Variants in GSE1 observed in about 807,000 individuals in gnomAD.
GSE1 encodes genetic suppressor element 1.
A neutral mutation model predicts 112.6 loss-of-function variants in GSE1; 32 were observed. The ratio of observed to expected loss-of-function variants is 0.28; its 90% CI spans 0.21 to 0.38. The LOEUF (loss-of-function observed/expected upper bound fraction) is 0.38, where lower values mean the gene tolerates loss of function less well. GSE1 is among the 10% of genes least tolerant of loss of function. GSE1 has a pLI of 1.00. For synonymous variants in GSE1, 1,115 were observed against 735.6 expected, an observed-to-expected ratio of 1.52 and a Z score of -8.35; for missense variants, 2,348 against 1,699.2, an observed-to-expected ratio of 1.38 and a Z score of -6.71.
At chr16:85,477,140 G>A (rs55719324) in intron 2 of GSE1, among the ~76,000 whole-genome samples, 62,179 of 151,816 alleles carry the variant, frequency 0.41, 14,122 homozygotes, top group Non-Finnish European at 0.49. Flanking sequence ...GTTGGCCAGG[G>A]TGGTCGGGTG....
At chr16:85,445,994 G>A (rs576074171) in intron 2 of GSE1, among the ~76,000 whole-genome samples, 1 of 152,226 alleles carries the variant, frequency 6.6e-6, no homozygotes, top group Non-Finnish European at 1.5e-5. Context: ...GAGGTTCCAC[G>A]GGTAACGGCT....
chr16:85,633,314 G>C (rs377490805), intron 1 of GSE1, among the ~76,000 whole-genome samples: 260 of 152,286 alleles, frequency 1.7e-3, no homozygotes, highest in Non-Finnish European at 2.7e-3. Flanking sequence ...CGGGGAGGCC[G>C]GGGGTCTGCC....
intron 1 of GSE1, among the ~76,000 whole-genome samples, chr16:85,186,268 G>A (rs1171646237): frequency 6.6e-6 from 1 of 152,036 alleles, no homozygotes; most frequent in Non-Finnish European, 1.5e-5. Flanking sequence ...CCAGGAGCTC[G>A]AGACCAGCCT....
Position 85,666,276 on chromosome 16 carries a change from CAGA to C in GSE1, c.3063_3065del (p.Glu1022del), listed in dbSNP as rs749471449. The C allele has an allele frequency of 1.2e-6, 2 of 1,613,714 alleles. No individual in the cohort carries two copies. Among genetic ancestry groups the C allele is most frequent in the African/African-American group, 2.7e-5 (2 of 74,932 alleles). On this transcript the variant is annotated inframe_deletion, in exon 13 of 16. Transcript: ENST00000253458. ...AGCAAGCCGTGGGAGCCCTTTGTGG[CAGA>C]AGAGTTTGCACATCAGTTCCACGAG... is the stretch of plus-strand genomic sequence containing the variant.
At chr16:85,354,145 A>G (rs1389362996) in intron 1 of GSE1, among the ~76,000 whole-genome samples, 1 of 151,958 alleles carries the variant, frequency 6.6e-6, no homozygotes, top group Non-Finnish European at 1.5e-5. Context: ...CCCCTTCTCA[A>G]ACTCCTATAG....
chr16:85,383,143 C>T (rs2047596757), intron 2 of GSE1, among the ~76,000 whole-genome samples: 1 of 152,078 alleles, frequency 6.6e-6, no homozygotes, highest in African/African-American at 2.4e-5. Context: ...CACCATAACA[C>T]ACCCATATAT....
At chr16:85,383,712 C>G (rs1254804068) in intron 2 of GSE1, among the ~76,000 whole-genome samples, 3 of 152,126 alleles carry the variant, frequency 2.0e-5, no homozygotes, top group African/African-American at 7.2e-5. Context: ...GAGCAGAGGC[C>G]AAGAGGAGAG....
In GSE1 at chr16:85,616,180, AC is replaced by A. The variant is rs544178264; in HGVS notation, c.7+2786del. 1.0e-3 allele frequency among the ~76,000 whole-genome samples: 156 copies of A among 152,078 alleles called. 1 individual carries two copies. The highest frequency in any genetic ancestry group is 3.5e-3 in the African/African-American group (144 of 41,486). The stretch of plus-strand genomic sequence containing the variant: ...CTGAGCTAGAGATTCCCCCCTTCCA[AC>A]CCCTGGAGTCCCAAATTCCCCTTGA... On this transcript the variant is annotated intron_variant, in intron 1 of 15. Transcript: ENST00000253458.
At chr16:85,249,681 C>T (rs1452797117) in intron 1 of GSE1, among the ~76,000 whole-genome samples, 3 of 152,182 alleles carry the variant, frequency 2.0e-5, no homozygotes, top group African/African-American at 7.2e-5. Flanking sequence ...TCCTGGGGCT[C>T]CCGTTGTCCA....
intron 1 of GSE1, among the ~76,000 whole-genome samples, chr16:85,319,053 A>G (rs990365673): frequency 4.6e-5 from 7 of 152,070 alleles, no homozygotes; most frequent in African/African-American, 1.7e-4. Flanking sequence ...GGAAGGGTGG[A>G]GTGGCGGTGA....
intron 1 of GSE1, among the ~76,000 whole-genome samples, chr16:85,175,530 C>G (rs1216326842): frequency 6.6e-6 from 1 of 152,242 alleles, no homozygotes; most frequent in Non-Finnish European, 1.5e-5. Flanking sequence ...GAGCGCCTGG[C>G]TCGCAGTGGG....
intron 2 of GSE1, among the ~76,000 whole-genome samples, chr16:85,640,366 C>A (rs1431756597): frequency 6.6e-6 from 1 of 152,230 alleles, no homozygotes; most frequent in Admixed American, 6.5e-5. Flanking sequence ...CCACCCATAG[C>A]CCGGCTTGGG....
At chr16:85,363,905 G>T (rs2047133850) in intron 2 of GSE1, among the ~76,000 whole-genome samples, 1 of 152,212 alleles carries the variant, frequency 6.6e-6, no homozygotes, top group Non-Finnish European at 1.5e-5. Context: ...GCCTGCTCTT[G>T]TGACTTCTGC....
intron 2 of GSE1, among the ~76,000 whole-genome samples, chr16:85,458,392 C>T (rs887548345): frequency 6.6e-6 from 1 of 152,212 alleles, no homozygotes; most frequent in African/African-American, 2.4e-5. Flanking sequence ...GGAGGGGAGC[C>T]CTCGACAGCT....
chr16:85,283,064 C>G (rs2044902284), intron 1 of GSE1: 2 of 152,668 alleles, frequency 1.3e-5, no homozygotes, highest in African/African-American at 4.8e-5. Flanking sequence ...CCACGGTAGG[C>G]GCATGGTTTC....
chr16:85,653,293 CCTCCTCCTCCTA>C (rs1218356088), intron 3 of GSE1, among the ~76,000 whole-genome samples: 1 of 2,980 alleles, frequency 3.4e-4, no homozygotes, highest in African/African-American at 1.3e-3. Context: ...CCTACCCCCT[CCTCCTCCTCCTA>C]CCCCCTCCTC....
At position 85,290,672 on chromosome 16, in the gene GSE1, A is replaced by C. The variant is rs112433660; in HGVS notation, c.2284-66791A>C. ...TACACCGCTGTTTGTAATAATCTGT[A>C]ATAATAACTAACTCTTCATAGAGCC... On this transcript the variant is annotated intron_variant, in intron 1 of 2. Transcript: ENST00000637419. 4.9e-3 allele frequency among the ~76,000 whole-genome samples: 741 copies of C among 152,250 alleles called. 5 individuals are homozygous for C. The highest frequency in any genetic ancestry group is 0.02 in the Middle Eastern group (6 of 294).
chr16:85,423,735 G>A (rs912016545), intron 2 of GSE1, among the ~76,000 whole-genome samples: 7 of 152,026 alleles, frequency 4.6e-5, no homozygotes, highest in East Asian at 1.9e-4. Flanking sequence ...TCTCTCTGTC[G>A]CCGCATCCAT....
chr16:85,207,676 G>T (rs55818488), intron 1 of GSE1: 78,053 of 152,128 alleles, frequency 0.51, 20,623 homozygotes, highest in Middle Eastern at 0.64. Context: ...GACCAGCGGG[G>T]TGAGGGCAGA....
Sources: allele counts gnomAD v4.1 joint callset (sites outside exome capture counted in the v4.1 genomes callset), GRCh38; gene constraint gnomAD v4.1.1; transcripts MANE v1.5; gene names NCBI Gene and HGNC (gene_info 2026-07-23, HGNC 2026-07-21).